Variants in AMOTL1 observed in about 807,000 individuals in gnomAD.
AMOTL1 encodes the protein angiomotin-like protein 1.
A neutral mutation model predicts 102.9 loss-of-function variants in AMOTL1; 45 were observed. The ratio of observed to expected loss-of-function variants is 0.44; its 90% CI spans 0.34 to 0.56. The LOEUF is 0.56. Among genes scored for constraint, AMOTL1 ranks in the 20% least tolerant of loss-of-function variants. The probability of loss-of-function intolerance (pLI) is 0.01; values close to 1 mark genes in which losing one functional copy is unlikely to be tolerated. For synonymous variants in AMOTL1, 481 were observed against 484.7 expected, an observed-to-expected ratio of 0.99 and a Z score of 0.10; for missense variants, 1,114 against 1,225.6, an observed-to-expected ratio of 0.91 and a Z score of 1.36.
chr11:94,866,229 C>T, intron 11 of AMOTL1, 61 bp downstream of exon 11: 1 of 1,509,988 alleles, frequency 6.6e-7, no homozygotes, highest in Non-Finnish European at 9.1e-7. Context: ...GCTTCTCTGC[C>T]ACTCATGGGA....
At chr11:94,806,337 T>A (rs1028045454) in intron 3 of AMOTL1, among the ~76,000 whole-genome samples, 4 of 152,234 alleles carry the variant, frequency 2.6e-5, no homozygotes, top group Non-Finnish European at 4.4e-5. Flanking sequence ...GATGGTCCTG[T>A]CTTACTTTGT....
At chr11:94,744,754 A>G (rs1289573695) in intron 3 of AMOTL1, among the ~76,000 whole-genome samples, 1 of 152,240 alleles carries the variant, frequency 6.6e-6, no homozygotes, top group East Asian at 1.9e-4. Flanking sequence ...GTTTAATAAC[A>G]ACTTTTCAGA....
chr11:94,869,785 T>A (rs918340254), intron 12 of AMOTL1, among the ~76,000 whole-genome samples: 1 of 152,162 alleles, frequency 6.6e-6, no homozygotes, highest in African/African-American at 2.4e-5. Flanking sequence ...TGCCCTCTGG[T>A]ATGTTTGGGA....
upstream of AMOTL1, among the ~76,000 whole-genome samples, chr11:94,764,791 T>C (rs938543861): frequency 1.3e-5 from 2 of 152,242 alleles, no homozygotes; most frequent in African/African-American, 4.8e-5. Flanking sequence ...TATTTCAAAT[T>C]ACTGGAGAAG....
At chr11:94,810,371 A>G (rs1246328830) in intron 3 of AMOTL1, among the ~76,000 whole-genome samples, 1 of 152,144 alleles carries the variant, frequency 6.6e-6, no homozygotes, top group Non-Finnish European at 1.5e-5. Flanking sequence ...GTATGGGGCT[A>G]GACCACGTGA....
intron 3 of AMOTL1, among the ~76,000 whole-genome samples, chr11:94,815,386 G>A (rs529351686): frequency 6.6e-6 from 1 of 152,050 alleles, no homozygotes; most frequent in South Asian, 2.1e-4. Flanking sequence ...AGGTTCTTAG[G>A]AAAACCTGAA....
intron 1 of AMOTL1, among the ~76,000 whole-genome samples, chr11:94,709,497 A>G (rs1481773660): frequency 2.0e-5 from 3 of 152,202 alleles, no homozygotes; most frequent in Non-Finnish European, 4.4e-5. Flanking sequence ...ATAAGCCAAT[A>G]CAAGCTGGCC....
chr11:94,796,845 G>T (rs1346100512), intron 2 of AMOTL1: 1 of 319,836 alleles, frequency 3.1e-6, no homozygotes, highest in Non-Finnish European at 4.5e-6. Flanking sequence ...GGGCAGTTAT[G>T]AACCTTCTAA....
chr11:94,763,735 C>T (rs1950822487), upstream of AMOTL1, among the ~76,000 whole-genome samples: 1 of 152,154 alleles, frequency 6.6e-6, no homozygotes, highest in African/African-American at 2.4e-5. Flanking sequence ...TAAAAGTCTT[C>T]ATCCTTGTCA....
In AMOTL1 at chr11:94,793,579, G is replaced by A. The variant is rs80063862; in HGVS notation, c.50-1432G>A. 4.0e-3 allele frequency among the ~76,000 whole-genome samples: 609 copies of A among 152,318 alleles called. 29 individuals carry two copies. In the East Asian group the frequency reaches 0.099, roughly 25 times the overall value. ...CACTGTTTTCCACCTGCCTGAAAGAGGAAGCCAGATTAGGACTTGCCTTTG... is the reference window on the plus strand; with the variant it reads ...CACTGTTTTCCACCTGCCTGAAAGAAGAAGCCAGATTAGGACTTGCCTTTG... On this transcript the variant is annotated intron_variant, in intron 1 of 12. Coordinates refer to ENST00000433060, the MANE Select transcript of AMOTL1 (RefSeq NM_130847.3).
intron 6 of AMOTL1, among the ~76,000 whole-genome samples, chr11:94,833,676 G>A (rs1952118627): frequency 6.6e-6 from 1 of 152,186 alleles, no homozygotes; most frequent in South Asian, 2.1e-4. Context: ...CAGAGCAGAG[G>A]AGAAATTCAT....
At chr11:94,788,430 G>A (rs924177966) in intron 1 of AMOTL1, among the ~76,000 whole-genome samples, 2 of 151,976 alleles carry the variant, frequency 1.3e-5, no homozygotes, top group Admixed American at 6.5e-5. Flanking sequence ...TCCCATGTTG[G>A]GCCGATCTTC....
intron 1 of AMOTL1, among the ~76,000 whole-genome samples, chr11:94,710,835 G>T (rs534272467): frequency 6.6e-6 from 1 of 152,108 alleles, no homozygotes; most frequent in Non-Finnish European, 1.5e-5. Context: ...AAAATAATAT[G>T]AATTGGGACC....
intron 3 of AMOTL1, among the ~76,000 whole-genome samples, chr11:94,746,680 A>G (rs947962999): frequency 1.3e-5 from 2 of 152,156 alleles, no homozygotes; most frequent in African/African-American, 4.8e-5. Flanking sequence ...AGGAGCTTTT[A>G]TAAGTCCTGA....
chr11:94,709,938 T>C (rs1229210792), intron 1 of AMOTL1, among the ~76,000 whole-genome samples: 2 of 152,198 alleles, frequency 1.3e-5, no homozygotes, highest in Non-Finnish European at 2.9e-5. Flanking sequence ...TTCCTGGCCT[T>C]ATACCACTAA....
chr11:94,854,147 T>A, intron 8 of AMOTL1, 65 bp downstream of exon 8: 1 of 1,457,548 alleles, frequency 6.9e-7, no homozygotes, highest in Non-Finnish European at 9.1e-7. Context: ...GTATGGATGT[T>A]CTACCATGGG....
chr11:94,758,540 C>T (rs911838004), intron 3 of AMOTL1, among the ~76,000 whole-genome samples: 9 of 152,224 alleles, frequency 5.9e-5, no homozygotes, highest in Non-Finnish European at 1.0e-4. Context: ...TCATAGATGG[C>T]GTGACAGTGT....
At chr11:94,753,874 T>G (rs10450555) in intron 3 of AMOTL1, among the ~76,000 whole-genome samples, 7 of 152,100 alleles carry the variant, frequency 4.6e-5, no homozygotes, top group African/African-American at 1.5e-4. Flanking sequence ...CTCAGGCATG[T>G]GAAGGTGAGT....
At chr11:94,830,892 A>G (rs750297892) in intron 5 of AMOTL1, among the ~76,000 whole-genome samples, 23 of 152,260 alleles carry the variant, frequency 1.5e-4, no homozygotes, top group Non-Finnish European at 2.8e-4. Flanking sequence ...TGGGTTGAGT[A>G]TCATCTGCAT....
Sources: gnomAD v4.1 joint callset for allele counts (sites outside exome capture counted in the v4.1 genomes callset) on GRCh38, gnomAD v4.1.1 for gene constraint, MANE v1.5 for transcripts, NCBI Gene and HGNC (gene_info 2026-07-23, HGNC 2026-07-21) for gene names.